Variants in SPATS1 observed in about 807,000 individuals in gnomAD.
The protein encoded by SPATS1 is spermatogenesis associated serine rich 1, also known as spermatogenesis-associated serine-rich protein 1.
In SPATS1, 23 loss-of-function variants were observed where a neutral mutation model predicts 33.6. The observed-to-expected ratio is 0.68, with a 90% confidence interval of 0.49 to 0.97. SPATS1 has a LOEUF of 0.97. SPATS1 is among the 50% of genes least tolerant of loss of function. The pLI is 0.00. For missense variants in SPATS1, 327 were observed against 361.0 expected, an observed-to-expected ratio of 0.91 and a Z score of 0.76; for synonymous variants, 131 against 125.6, an observed-to-expected ratio of 1.04 and a Z score of -0.29.
intron 7 of SPATS1, 64 bp from the exon 8 acceptor site, chr6:44,376,294 C>A: frequency 1.0e-6 from 1 of 955,714 alleles, no homozygotes; most frequent in Non-Finnish European, 1.6e-6. Flanking sequence ...AATTTCTTAT[C>A]CGCTGTTGGT....
chr6:44,369,871 C>T (rs1442931774), intron 6 of SPATS1, among the ~76,000 whole-genome samples, 180 bp from the exon 7 acceptor site: 1 of 118,200 alleles, frequency 8.5e-6, no homozygotes. Flanking sequence ...GACCCTGTCT[C>T]AAAACATACA....
intron 7 of SPATS1, among the ~76,000 whole-genome samples, chr6:44,372,518 AGTGGC>A (rs896095567): frequency 4.0e-5 from 6 of 151,792 alleles, no homozygotes; most frequent in Non-Finnish European, 7.4e-5. Context: ...GCTGGAGTGC[AGTGGC>A]GCAATCTGGG....
In SPATS1 at chr6:44,370,230, C is replaced by T. The variant is rs1441463287; in HGVS notation, c.758+117C>T. 2.9e-5 allele frequency: 26 copies of T among 907,702 alleles called. No homozygotes were observed. In the East Asian group the frequency reaches 6.2e-4, roughly 22 times the overall value. The allele number at this position is 907,702 out of a possible 1,614,324, so 56.2% of individuals were successfully genotyped here. A position where few individuals can be genotyped will look rare whatever the true frequency, so the allele number is the denominator to read the frequency against. ...CAGGACACAGGGCCCTTTTGAATCC[C>T]AGCAGGAGGGTGGGGCAGTTTGTAA... On this transcript the variant is annotated intron_variant, in intron 7 of 8. Coordinates refer to ENST00000674044, the MANE Select transcript of SPATS1 (RefSeq NM_001372081.1).
intron 2 of SPATS1, among the ~76,000 whole-genome samples, chr6:44,352,325 C>T (rs1456579058): frequency 6.6e-6 from 1 of 152,030 alleles, no homozygotes; most frequent in East Asian, 1.9e-4. Flanking sequence ...GACGGGGTTT[C>T]ACCATGTTGG....
chr6:44,370,059 A>T lies in SPATS1; in HGVS notation c.704A>T (p.Tyr235Phe), dbSNP rs199772694. ...LPPVNFSIVP[Y>F]EKKFDTFIPL... ...CCTTTTCTGTTTTTCAGAGTGCCTT[A>T]TGAAAAGAAATTTGATACATTTATT... Residue 235 changes from tyrosine to phenylalanine, a missense_variant, in exon 7 of 9, where the codon TAT becomes TTT. Tyr to Phe is a conservative substitution (Grantham distance 22, BLOSUM62 3). Transcript: ENST00000674044. 1.2e-6 allele frequency: 2 copies of T among 1,611,980 alleles called. No individual in the cohort carries two copies. The highest frequency in any genetic ancestry group is 3.3e-5 in the Admixed American group (2 of 59,978).
rs766367801 is a variant in SPATS1, at chr6:44,361,909, G to A, written c.491G>A (p.Cys164Tyr). 9.9e-6 allele frequency: 16 copies of A among 1,614,130 alleles called. No individual in the cohort carries two copies. Among genetic ancestry groups the A allele is most frequent in the Middle Eastern group, 1.6e-4 (1 of 6,084 alleles). Residue 164 changes from cysteine (C) to tyrosine (Y), a missense_variant, in exon 5 of 9, where the codon TGC becomes TAC. Physicochemically the swap from Cys to Tyr is radical, Grantham distance 194. Transcript: ENST00000674044. ...CACACCTACCACGTCGGAAAGCAGT[G>A]CTTCTTTAATGGAGTCTTCCTCGGC... is the stretch of plus-strand genomic sequence containing the variant. ...NIHTYHVGKQ[C>Y]FFNGVFLGNK...
At chr6:44,349,608 T>G (rs1215622492) in intron 2 of SPATS1, among the ~76,000 whole-genome samples, 1 of 152,250 alleles carries the variant, frequency 6.6e-6, no homozygotes, top group African/African-American at 2.4e-5. Flanking sequence ...TTGGCAGCCT[T>G]TGTTCTTTGT....
chr6:44,351,290 T>G (rs1788227834), intron 2 of SPATS1, among the ~76,000 whole-genome samples: 1 of 152,164 alleles, frequency 6.6e-6, no homozygotes, highest in African/African-American at 2.4e-5. Context: ...GATGTGCATA[T>G]GTTATATTCG....
chr6:44,365,461 T>C lies in SPATS1; in HGVS notation c.575-2918T>C, dbSNP rs367870869. Among the ~76,000 whole-genome samples the C allele has an allele frequency of 2.6e-4, 40 of 152,368 alleles. No individual in the cohort carries two copies. In the East Asian group the frequency reaches 6.9e-3, roughly 26 times the overall value. On this transcript the variant is annotated intron_variant, in intron 5 of 8. Coordinates refer to ENST00000674044, the MANE Select transcript of SPATS1 (RefSeq NM_001372081.1). ...AAGCACTAAAGTTTGCTCCTTTCTCTTGTAAAGTCCACTGTGGATCCAGCA... is the reference window on the plus strand; with the variant it reads ...AAGCACTAAAGTTTGCTCCTTTCTCCTGTAAAGTCCACTGTGGATCCAGCA...
At position 44,370,107 on chromosome 6, in the gene SPATS1, T is replaced by C. The variant is rs1344199228; in HGVS notation, c.752T>C (p.Ile251Thr). 14 of 1,611,550 alleles carry C rather than the reference T, an allele frequency of 8.7e-6. No homozygotes were observed. The highest frequency in any genetic ancestry group is 1.2e-5 in the Non-Finnish European group (14 of 1,178,170). The change falls in exon 7 of 9, where the codon ATT becomes ACT. Residue 251 changes from isoleucine (I) to threonine (T), a missense_variant. Physicochemically the swap from Ile to Thr is moderately conservative, Grantham distance 89. Coordinates refer to ENST00000674044, the MANE Select transcript of SPATS1 (RefSeq NM_001372081.1). ...TFIPLEPLPQ[I>T]PNLPFWVKEK... Reference sequence around the variant, plus strand: ...ATTCCACTTGAGCCTCTTCCACAAATTCCCAAGTGAGTTCTCTTGTCATGT... The same window carrying C: ...ATTCCACTTGAGCCTCTTCCACAAACTCCCAAGTGAGTTCTCTTGTCATGT...
At chr6:44,376,874 A>G (rs541019366) in intron 8 of SPATS1, among the ~76,000 whole-genome samples, 161 bp from the exon 9 acceptor site, 6 of 152,360 alleles carry the variant, frequency 3.9e-5, no homozygotes, top group East Asian at 1.9e-4. Flanking sequence ...CACAGTGGAA[A>G]GGAGGGCAGG....
intron 3 of SPATS1, among the ~76,000 whole-genome samples, chr6:44,353,804 G>C (rs1259906868): frequency 2.0e-5 from 3 of 151,972 alleles, no homozygotes; most frequent in African/African-American, 7.2e-5. Flanking sequence ...TTGGGAGGCC[G>C]AGGCTGGTGG....
At chr6:44,371,551 C>T (rs1033837771) in intron 7 of SPATS1, among the ~76,000 whole-genome samples, 2 of 152,284 alleles carry the variant, frequency 1.3e-5, no homozygotes, top group South Asian at 2.1e-4. Flanking sequence ...TTATGTATTT[C>T]GATCTTTAGA....
chr6:44,356,301 A>G (rs1238140625), intron 3 of SPATS1, among the ~76,000 whole-genome samples: 1 of 152,148 alleles, frequency 6.6e-6, no homozygotes, highest in African/African-American at 2.4e-5. Context: ...CTTCTACTCC[A>G]TCTATATTAC....
chr6:44,363,514 A>G (rs1336697431), intron 5 of SPATS1, among the ~76,000 whole-genome samples: 1 of 152,164 alleles, frequency 6.6e-6, no homozygotes. Flanking sequence ...CTAAATCTCA[A>G]TCTTGACTTA....
chr6:44,349,036 C>G (rs775784406), intron 2 of SPATS1, among the ~76,000 whole-genome samples: 53 of 152,134 alleles, frequency 3.5e-4, no homozygotes, highest in Non-Finnish European at 6.2e-4. Flanking sequence ...GAGGCTGAGA[C>G]AGGAGAATCG....
At chr6:44,376,125 G>A (rs1789934139) in intron 7 of SPATS1, among the ~76,000 whole-genome samples, 1 of 151,990 alleles carries the variant, frequency 6.6e-6, no homozygotes, top group Non-Finnish European at 1.5e-5. Flanking sequence ...AAATGTGGAA[G>A]CACAGAGGAG....
chr6:44,374,451 G>T (rs2153370588), intron 7 of SPATS1, among the ~76,000 whole-genome samples: 1 of 152,198 alleles, frequency 6.6e-6, no homozygotes, highest in African/African-American at 2.4e-5. Flanking sequence ...AGTTATTAAG[G>T]TTCTAATTCT....
chr6:44,375,589 C>A (rs1195061809), intron 7 of SPATS1, among the ~76,000 whole-genome samples: 1 of 152,100 alleles, frequency 6.6e-6, no homozygotes, highest in Admixed American at 6.6e-5. Flanking sequence ...GTGGGAGGAT[C>A]ATTTGGAGTC....
Sources: gnomAD v4.1 joint callset for allele counts (sites outside exome capture counted in the v4.1 genomes callset) on GRCh38, gnomAD v4.1.1 for gene constraint, MANE v1.5 for transcripts, NCBI Gene and HGNC (gene_info 2026-07-23, HGNC 2026-07-21) for gene names.